Variants in ARHGEF16 observed in about 807,000 individuals in gnomAD.
The protein encoded by ARHGEF16 is Rho guanine nucleotide exchange factor 16.
In ARHGEF16, 59 loss-of-function variants were observed where a neutral mutation model predicts 74.1. That is an observed-to-expected ratio of 0.80 (90% CI 0.65 to 0.99). The LOEUF (loss-of-function observed/expected upper bound fraction) is 0.99. Among genes scored for constraint, ARHGEF16 ranks in the 50% least tolerant of loss-of-function variants. The pLI is 0.00. For synonymous variants in ARHGEF16, 415 were observed against 412.6 expected (o/e 1.01, Z -0.07); for missense variants, 948 against 986.6 (o/e 0.96, Z 0.52).
intron 4 of ARHGEF16, 169 bp from the exon 5 acceptor site, chr1:3,468,711 G>T: frequency 1.4e-6 from 1 of 701,452 alleles, no homozygotes; most frequent in Non-Finnish European, 2.5e-6. Flanking sequence ...GGAAGGTGAC[G>T]GGGATAGGCC....
chr1:3,480,539 G>T lies in ARHGEF16; in HGVS notation c.2082G>T (p.Glu694Asp). ...TCATCACCAGCCGTGTGGCCGTGGAGGGCAATGTCCGCAGGATGGAGCGTC... is the reference window on the plus strand; with the variant it reads ...TCATCACCAGCCGTGTGGCCGTGGATGGCAATGTCCGCAGGATGGAGCGTC... The part of the protein sequence containing the change: ...ARFITSRVAV[E>D]GNVRRMERLR... The change falls in exon 15 of 15, where the codon GAG (glutamate) becomes GAT (aspartate). Residue 694 changes from glutamate to aspartate, a missense_variant. By Grantham distance (45) the Glu-to-Asp change is conservative (BLOSUM62 2). Coordinates refer to ENST00000378378, the MANE Select transcript of ARHGEF16 (RefSeq NM_014448.4). 6.2e-7 allele frequency: 1 copy of T among 1,611,612 alleles called. No individual in the cohort carries two copies. Among genetic ancestry groups the T allele is most frequent in the Non-Finnish European group, 8.5e-7 (1 of 1,179,942 alleles).
At chr1:3,468,740 CTCCAGG>C in intron 4 of ARHGEF16, 134 bp from the exon 5 acceptor site, 1 of 881,518 alleles carries the variant, frequency 1.1e-6, no homozygotes, top group South Asian at 1.5e-5. Context: ...GACAGGCCTA[CTCCAGG>C]ATCGGACCTA....
chr1:3,460,580 C>A (rs536389645), intron 1 of ARHGEF16, among the ~76,000 whole-genome samples: 1 of 152,216 alleles, frequency 6.6e-6, no homozygotes, highest in South Asian at 2.1e-4. Flanking sequence ...AGACCGCCTA[C>A]GCTGGCCACC....
chr1:3,469,015 G>T, intron 5 of ARHGEF16, 79 bp downstream of exon 5: 1 of 1,507,890 alleles, frequency 6.6e-7, no homozygotes, highest in South Asian at 1.2e-5. Context: ...CAGCCACGGT[G>T]GCACCACCCA....
Position 3,480,706 on chromosome 1 carries a change from C to T in ARHGEF16, c.*119C>T. 7.4e-7 allele frequency: 1 copy of T among 1,349,960 alleles called. No homozygotes were observed. The highest frequency in any genetic ancestry group is 9.9e-7 in the Non-Finnish European group (1 of 1,007,822). 83.6% of individuals were successfully genotyped at this position (1,349,960 alleles called of 1,614,324 possible). A position where few individuals can be genotyped will look rare whatever the true frequency, so the allele number is the denominator to read the frequency against. On this transcript the variant is annotated 3_prime_UTR_variant, in exon 15 of 15. Coordinates refer to ENST00000378378, the MANE Select transcript of ARHGEF16 (RefSeq NM_014448.4). ...ACCCAGCATGGTTCCCTGGGGCTTC[C>T]CAAGAGCCTGTGGCTGTGGTGCCGG...
intron 10 of ARHGEF16, among the ~76,000 whole-genome samples, chr1:3,476,890 G>T (rs1419142058): frequency 8.5e-5 from 13 of 152,098 alleles, no homozygotes; most frequent in African/African-American, 2.7e-4. Context: ...GTGACTTCGC[G>T]CCGCTGTCGC....
At chr1:3,467,070 A>G in intron 3 of ARHGEF16, 98 bp from the exon 4 acceptor site, 1 of 1,293,340 alleles carries the variant, frequency 7.7e-7, no homozygotes, top group Non-Finnish European at 1.1e-6. Context: ...CACAGCCGTG[A>G]GAGCCTGTGG....
intron 9 of ARHGEF16, 47 bp from the exon 10 acceptor site, chr1:3,475,923 C>T: frequency 6.6e-7 from 1 of 1,524,000 alleles, no homozygotes; most frequent in Non-Finnish European, 8.8e-7. Flanking sequence ...TGGGCTGTGC[C>T]AGGGCCCTGT....
Position 3,473,484 on chromosome 1 carries a change from C to G in ARHGEF16, c.1267C>G (p.Pro423Ala). ...GCCCATGCTCTCCTTCCTGATCCTC[C>G]CCATGCAGCGGGTGACCCGGCTGCC... ...GLPMLSFLILPMQRVTRLPLL... is the reference protein window; with the variant it reads ...GLPMLSFLILAMQRVTRLPLL... The change falls in exon 8 of 15, where the codon CCC becomes GCC. Residue 423 changes from proline to alanine, a missense_variant. Physicochemically the swap from Pro to Ala is conservative, Grantham distance 27. Transcript: ENST00000378378. 6.2e-7 allele frequency: 1 copy of G among 1,611,998 alleles called. No individual in the cohort carries two copies. The highest frequency in any genetic ancestry group is 8.5e-7 in the Non-Finnish European group (1 of 1,180,002).
chr1:3,461,187 A>T (rs1036565664), intron 1 of ARHGEF16, among the ~76,000 whole-genome samples: 3 of 152,190 alleles, frequency 2.0e-5, no homozygotes, highest in Admixed American at 6.5e-5. Context: ...TTTATTTTTT[A>T]AAAGGGAAAG....
intron 14 of ARHGEF16, 80 bp from the exon 15 acceptor site, chr1:3,480,368 T>A: frequency 6.4e-7 from 1 of 1,564,078 alleles, no homozygotes; most frequent in Non-Finnish European, 8.7e-7. Flanking sequence ...GGCCCTGGTG[T>A]GCTCAGGCAT....
chr1:3,470,804 GTGTA>G (rs1255548380), intron 6 of ARHGEF16, among the ~76,000 whole-genome samples: 1 of 149,654 alleles, frequency 6.7e-6, no homozygotes, highest in Admixed American at 6.6e-5. Context: ...GTATGCATGG[GTGTA>G]TGTGCATGGA....
intron 5 of ARHGEF16, 51 bp downstream of exon 5, chr1:3,468,987 A>G: frequency 6.5e-7 from 1 of 1,543,874 alleles, no homozygotes; most frequent in East Asian, 2.4e-5. Context: ...GGGCCATGCA[A>G]CACCCGGGGA....
chr1:3,457,001 G>T (rs1639280045), intron 1 of ARHGEF16, among the ~76,000 whole-genome samples: 2 of 152,220 alleles, frequency 1.3e-5, no homozygotes, highest in African/African-American at 4.8e-5. Flanking sequence ...CAGATAACAG[G>T]TCTCTCCAGC....
rs1639452888 is a variant in ARHGEF16 at position 3,463,372 on chromosome 1, CA to C, written c.289del (p.Ser97AlafsTer49). 2 of 1,550,232 alleles carry C rather than the reference CA, an allele frequency of 1.3e-6. No homozygotes were observed. The highest frequency in any genetic ancestry group is 1.7e-6 in the Non-Finnish European group (2 of 1,146,908). The part of the protein sequence containing the change: ...QLIPKSLAVA[S>X]KAKTPARHQS... ...TGATCCCTAAGAGCCTGGCTGTGGC[CA>C]GCAAGGCAAAGACCCCAGCCCGCCA... is the stretch of plus-strand genomic sequence containing the variant. On this transcript the variant is annotated frameshift_variant, in exon 2 of 15. Coordinates refer to ENST00000378378, the MANE Select transcript of ARHGEF16 (RefSeq NM_014448.4). LOFTEE classifies it high-confidence loss of function.
In ARHGEF16 at chr1:3,468,758, C is replaced by T. The variant is rs961984065; in HGVS notation, c.805-122C>T. On this transcript the variant is annotated intron_variant, in intron 4 of 14. Coordinates refer to ENST00000378378, the MANE Select transcript of ARHGEF16 (RefSeq NM_014448.4). ...AGGCCTACTCCAGGATCGGACCTAC[C>T]TGAGCCCTGTGGGGTGGCTGTCCAT... 25 of 1,104,448 alleles carry T rather than the reference C, an allele frequency of 2.3e-5. No individual in the cohort carries two copies. The African/African-American group carries it at 2.5e-4, about 11-fold the overall frequency. 68.4% of individuals were successfully genotyped at this position (1,104,448 alleles called of 1,614,324 possible).
intron 1 of ARHGEF16, among the ~76,000 whole-genome samples, chr1:3,462,098 C>T (rs895257437): frequency 4.7e-5 from 5 of 105,930 alleles, no homozygotes; most frequent in Admixed American, 9.7e-5. Flanking sequence ...AGGAGTGTGG[C>T]GGGGGCGGGG....
At chr1:3,462,164 T>A (rs1237697052) in intron 1 of ARHGEF16, among the ~76,000 whole-genome samples, 2 of 151,896 alleles carry the variant, frequency 1.3e-5, no homozygotes, top group Non-Finnish European at 2.9e-5. Flanking sequence ...CAGCTCCCGC[T>A]CTCTGCTGGG....
chr1:3,459,712 G>T (rs766098344), intron 1 of ARHGEF16, among the ~76,000 whole-genome samples: 4 of 152,316 alleles, frequency 2.6e-5, no homozygotes, highest in Non-Finnish European at 4.4e-5. Flanking sequence ...AACACTCAGG[G>T]AAAAATTAAC....
Sources: gnomAD v4.1 joint callset for allele counts (sites outside exome capture counted in the v4.1 genomes callset) on GRCh38, gnomAD v4.1.1 for gene constraint, MANE v1.5 for transcripts, NCBI Gene and HGNC (gene_info 2026-07-23, HGNC 2026-07-21) for gene names.